Variants in SLC36A1 observed in about 807,000 individuals in gnomAD.
The protein encoded by SLC36A1 is proton-coupled amino acid transporter 1.
Under a neutral mutation model 47.5 loss-of-function variants are expected in SLC36A1, and 30 were observed. The ratio of observed to expected loss-of-function variants is 0.63; its 90% CI spans 0.47 to 0.86. SLC36A1 has a LOEUF of 0.86. Ranked by LOEUF, SLC36A1 falls within the 40% of genes least tolerant of loss-of-function variation. The pLI is 0.00. For missense variants in SLC36A1, 517 were observed against 606.0 expected, an observed-to-expected ratio of 0.85 and a Z score of 1.54; for synonymous variants, 255 against 249.7, an observed-to-expected ratio of 1.02 and a Z score of -0.20.
the SLC36A1 span, among the ~76,000 whole-genome samples, chr5:151,373,233 G>A: frequency 1.3e-5 from 2 of 151,876 alleles, no homozygotes; most frequent in Non-Finnish European, 2.9e-5. Flanking sequence ...AGGAGTTTGA[G>A]GCCAGCACAG....
At chr5:151,403,327 T>C in the SLC36A1 span, among the ~76,000 whole-genome samples, 1 of 152,220 alleles carries the variant, frequency 6.6e-6, no homozygotes, top group South Asian at 2.1e-4. Flanking sequence ...CCCCCCAGTG[T>C]TGAATGTGGG....
the SLC36A1 span, among the ~76,000 whole-genome samples, chr5:151,389,881 G>A: frequency 4.0e-5 from 6 of 149,622 alleles, no homozygotes; most frequent in Admixed American, 3.3e-4. Flanking sequence ...ATGTGCATGT[G>A]TCTTTATAGC....
At chr5:151,498,555 C>G in the SLC36A1 span, among the ~76,000 whole-genome samples, 103 of 152,274 alleles carry the variant, frequency 6.8e-4, no homozygotes, top group Non-Finnish European at 1.1e-3. Context: ...CACGTCCTTG[C>G]TGCTGCAATC....
At chr5:151,511,290 G>T in the SLC36A1 span, 12 of 152,320 alleles carry the variant, frequency 7.9e-5, no homozygotes, top group African/African-American at 2.9e-4. Flanking sequence ...ACAGGCATGT[G>T]GGTACATAGG....
chr5:151,512,591 G>A, the SLC36A1 span: 2 of 1,608,084 alleles, frequency 1.2e-6, no homozygotes, highest in South Asian at 1.1e-5. This position sits in a 1 kb window ranked among gnomAD's most constrained non-coding sequence, Gnocchi z 4.1. Context: ...TCCAGCTGGG[G>A]CACTCCACTG....
At chr5:151,483,010 C>T (rs1374573487) in intron 10 of SLC36A1, among the ~76,000 whole-genome samples, 2 of 151,744 alleles carry the variant, frequency 1.3e-5, no homozygotes, top group African/African-American at 4.8e-5. Context: ...GCACTCCAGC[C>T]TAGGTGACAG....
At chr5:151,375,041 G>A in the SLC36A1 span, among the ~76,000 whole-genome samples, 1 of 151,488 alleles carries the variant, frequency 6.6e-6, no homozygotes, top group Non-Finnish European at 1.5e-5. Flanking sequence ...TTATTTTGCT[G>A]TGCAGCAGCT....
the SLC36A1 span, among the ~76,000 whole-genome samples, chr5:151,388,736 G>A: frequency 1.3e-5 from 2 of 152,124 alleles, no homozygotes; most frequent in African/African-American, 4.8e-5. Context: ...ATCAGAGAGT[G>A]TGTGATGTTT....
chr5:151,506,401 TA>T, the SLC36A1 span, among the ~76,000 whole-genome samples: 1 of 152,216 alleles, frequency 6.6e-6, no homozygotes, highest in East Asian at 1.9e-4. Flanking sequence ...CTGGATACAG[TA>T]ACTCCATCCC....
chr5:151,380,801 G>A, the SLC36A1 span: 3 of 511,946 alleles, frequency 5.9e-6, no homozygotes, highest in African/African-American at 3.9e-5. Flanking sequence ...GGGAAGACAG[G>A]AAATGGTTCC....
At chr5:151,502,786 C>T in the SLC36A1 span, among the ~76,000 whole-genome samples, 1 of 148,256 alleles carries the variant, frequency 6.7e-6, no homozygotes, top group Non-Finnish European at 1.5e-5. Context: ...AAAACCTGCA[C>T]ACAGATGTTT....
downstream of SLC36A1, among the ~76,000 whole-genome samples, chr5:151,494,612 A>G (rs575430456): frequency 2.6e-5 from 4 of 152,222 alleles, no homozygotes; most frequent in South Asian, 6.2e-4. Flanking sequence ...ATATTCCTCC[A>G]TGTTGTTACA....
chr5:151,477,845 A>G (rs1758289238), intron 9 of SLC36A1, among the ~76,000 whole-genome samples: 1 of 152,182 alleles, frequency 6.6e-6, no homozygotes, highest in South Asian at 2.1e-4. Flanking sequence ...GGAGCAACAG[A>G]AGCAGCCCAC....
chr5:151,458,729 A>G, intron 1 of SLC36A1, 59 bp from the exon 2 acceptor site: 1 of 1,574,000 alleles, frequency 6.4e-7, no homozygotes, highest in Non-Finnish European at 8.7e-7. Flanking sequence ...AGGCCACCCC[A>G]AATATGGAGC....
chr5:151,430,457 G>A, the SLC36A1 span, among the ~76,000 whole-genome samples: 1 of 151,772 alleles, frequency 6.6e-6, no homozygotes, highest in Non-Finnish European at 1.5e-5. Flanking sequence ...TGAGTAGCTG[G>A]GATTACAGGT....
At chr5:151,501,756 C>T in the SLC36A1 span, among the ~76,000 whole-genome samples, 12 of 148,290 alleles carry the variant, frequency 8.1e-5, no homozygotes, top group Non-Finnish European at 1.0e-4. Flanking sequence ...AGCAAAGGCA[C>T]CACAATGGAG....
At chr5:151,494,779 A>G (rs1366796677), downstream of SLC36A1, among the ~76,000 whole-genome samples, 1 of 152,192 alleles carries the variant, frequency 6.6e-6, no homozygotes, top group Non-Finnish European at 1.5e-5. Context: ...CTGGTAAACA[A>G]TTTAGAAACT....
the SLC36A1 span, among the ~76,000 whole-genome samples, chr5:151,431,506 C>A: frequency 6.6e-6 from 1 of 152,164 alleles, no homozygotes; most frequent in Non-Finnish European, 1.5e-5. Context: ...GTTGTGCCCC[C>A]ACCCAAATCT....
In SLC36A1 at chr5:151,491,301, C is replaced by T. The variant is rs1760094172; in HGVS notation, c.*3047C>T. The T allele has an allele frequency of 6.6e-6, 1 of 152,624 alleles. No homozygotes were observed. The highest frequency in any genetic ancestry group is 2.1e-4 in the South Asian group (1 of 4,822). 9.5% of individuals were successfully genotyped at this position (152,624 alleles called of 1,614,324 possible). ...GTGCTGCTGTCCAGCTGCTAAGATC[C>T]CTTCATCTGCACAAGCCCTGGCTAG... On this transcript the variant is annotated 3_prime_UTR_variant, in exon 11 of 11. Coordinates refer to ENST00000243389, the MANE Select transcript of SLC36A1 (RefSeq NM_078483.4).
Sources: allele counts gnomAD v4.1 joint callset (sites outside exome capture counted in the v4.1 genomes callset), GRCh38; gene constraint gnomAD v4.1.1; non-coding constraint Gnocchi (gnomAD v3.1); transcripts MANE v1.5; gene names NCBI Gene and HGNC (gene_info 2026-07-23, HGNC 2026-07-21).